Variants in MCC observed in about 807,000 individuals in gnomAD.
The protein encoded by MCC is MCC regulator of Wnt signaling pathway.
In MCC, 90 loss-of-function variants were observed where a neutral mutation model predicts 116.2. The ratio of observed to expected loss-of-function variants is 0.77; its 90% CI spans 0.65 to 0.92. MCC has a LOEUF of 0.92. MCC is among the 40% of genes least tolerant of loss of function. MCC has a pLI of 0.00. For missense variants in MCC, 1,516 were observed against 1,312.2 expected (o/e 1.16, Z -2.40); for synonymous variants, 578 against 510.5 (o/e 1.13, Z -1.78).
intron 3 of MCC, among the ~76,000 whole-genome samples, chr5:113,252,975 G>C (rs928405507): frequency 6.6e-6 from 1 of 152,180 alleles, no homozygotes; most frequent in Non-Finnish European, 1.5e-5. Flanking sequence ...ATTTTCCCCT[G>C]CATGCCCTTC....
At chr5:113,346,685 A>G (rs1768142901) in intron 2 of MCC, among the ~76,000 whole-genome samples, 1 of 152,180 alleles carries the variant, frequency 6.6e-6, no homozygotes, top group Non-Finnish European at 1.5e-5. Context: ...AGAACTTCTC[A>G]AACCTAGAGA....
chr5:113,295,834 T>C (rs923410732), intron 3 of MCC, among the ~76,000 whole-genome samples: 3 of 152,184 alleles, frequency 2.0e-5, no homozygotes, highest in African/African-American at 7.2e-5. Context: ...GTCTGCGAGA[T>C]TGCTTAAGAG....
intron 8 of MCC, among the ~76,000 whole-genome samples, chr5:113,091,466 G>A (rs779886660): frequency 1.3e-5 from 2 of 152,182 alleles, no homozygotes; most frequent in African/African-American, 2.4e-5. Context: ...TAGGGGAAAT[G>A]AAAATAAAGC....
intron 3 of MCC, among the ~76,000 whole-genome samples, chr5:113,221,759 C>G (rs1321980981): frequency 1.3e-5 from 2 of 152,330 alleles, no homozygotes; most frequent in East Asian, 3.9e-4. Context: ...GATTTCATCT[C>G]TGGCTTGAAC....
intron 8 of MCC, among the ~76,000 whole-genome samples, chr5:113,089,989 T>A (rs1182400481): frequency 2.0e-5 from 3 of 152,162 alleles, no homozygotes; most frequent in African/African-American, 7.2e-5. Flanking sequence ...CAACTGGGTA[T>A]GTAAGAGAGG....
chr5:113,112,622 G>T (rs1581087841), intron 6 of MCC, among the ~76,000 whole-genome samples: 1 of 152,238 alleles, frequency 6.6e-6, no homozygotes, highest in East Asian at 1.9e-4. Context: ...GACTAATACA[G>T]CCTTGAAATC....
chr5:113,213,682 G>C (rs944276342), intron 3 of MCC, among the ~76,000 whole-genome samples: 1 of 152,226 alleles, frequency 6.6e-6, no homozygotes, highest in East Asian at 1.9e-4. Flanking sequence ...AGAGTGGTGG[G>C]CACAGTAGCT....
At chr5:113,254,780 A>G (rs1168973469) in intron 3 of MCC, among the ~76,000 whole-genome samples, 1 of 152,154 alleles carries the variant, frequency 6.6e-6, no homozygotes. Flanking sequence ...AAAGCAAACC[A>G]TCTCCTTGGA....
chr5:113,315,810 C>G (rs1480553873), intron 3 of MCC, among the ~76,000 whole-genome samples: 1 of 151,252 alleles, frequency 6.6e-6, no homozygotes, highest in African/African-American at 2.4e-5. Flanking sequence ...CTCAGGAGGT[C>G]GAGGCTGCAG....
intron 3 of MCC, among the ~76,000 whole-genome samples, chr5:113,242,262 A>C (rs1459953305): frequency 6.6e-6 from 1 of 152,240 alleles, no homozygotes; most frequent in African/African-American, 2.4e-5. Flanking sequence ...TTGGAGAAAA[A>C]GCCTTCAGTG....
chr5:113,296,991 A>T (rs1457221423), intron 3 of MCC, among the ~76,000 whole-genome samples: 7 of 152,228 alleles, frequency 4.6e-5, no homozygotes, highest in Non-Finnish European at 8.8e-5. Context: ...GTGTCTGTAG[A>T]TTCTACTTTA....
At chr5:113,150,321 A>G (rs555937642) in intron 4 of MCC, among the ~76,000 whole-genome samples, 1 of 152,304 alleles carries the variant, frequency 6.6e-6, no homozygotes, top group East Asian at 1.9e-4. Flanking sequence ...TGAAAATGAA[A>G]AACAGAAAAA....
At chr5:113,221,735 C>G (rs1763558469) in intron 3 of MCC, among the ~76,000 whole-genome samples, 1 of 152,204 alleles carries the variant, frequency 6.6e-6, no homozygotes, top group Admixed American at 6.5e-5. Flanking sequence ...AAGAGGTCAG[C>G]TTCAACTCCC....
At chr5:113,393,295 T>C (rs1358172024) in intron 1 of MCC, among the ~76,000 whole-genome samples, 1 of 152,202 alleles carries the variant, frequency 6.6e-6, no homozygotes, top group Non-Finnish European at 1.5e-5. Context: ...ATATTTAAAA[T>C]GTCTCTTAAT....
At chr5:113,101,211 C>G (rs368831831) in intron 8 of MCC, among the ~76,000 whole-genome samples, 8 of 151,990 alleles carry the variant, frequency 5.3e-5, no homozygotes, top group African/African-American at 1.9e-4. Flanking sequence ...TAAACAGATG[C>G]ACATACACAC....
intron 5 of MCC, among the ~76,000 whole-genome samples, chr5:113,134,964 C>T (rs79187816): frequency 2.3e-5 from 3 of 132,912 alleles, no homozygotes; most frequent in African/African-American, 5.4e-5. Flanking sequence ...TTTTTTTAAA[C>T]AGAGTCTCGC....
chr5:113,304,789 C>T (rs1281734868), intron 3 of MCC, among the ~76,000 whole-genome samples: 1 of 151,952 alleles, frequency 6.6e-6, no homozygotes, highest in Non-Finnish European at 1.5e-5. Flanking sequence ...TTTGAGTCCT[C>T]CCAGGAGTAC....
At chr5:113,091,636 C>G (rs1185985950) in intron 8 of MCC, among the ~76,000 whole-genome samples, 1 of 152,138 alleles carries the variant, frequency 6.6e-6, no homozygotes, top group Non-Finnish European at 1.5e-5. Flanking sequence ...AATCCCAACA[C>G]TTTGGGAGGC....
intron 3 of MCC, among the ~76,000 whole-genome samples, chr5:113,167,792 G>A (rs374360049): frequency 1.1e-4 from 16 of 152,014 alleles, no homozygotes; most frequent in South Asian, 2.1e-4. Context: ...CACCATGCCC[G>A]ACTAATTTTT....
Sources: gnomAD v4.1 joint callset for allele counts (sites outside exome capture counted in the v4.1 genomes callset) on GRCh38, gnomAD v4.1.1 for gene constraint, MANE v1.5 for transcripts, NCBI Gene and HGNC (gene_info 2026-07-23, HGNC 2026-07-21) for gene names.